Variants in NINL observed in about 807,000 individuals in gnomAD.
NINL encodes the protein ninein like, also known as ninein-like protein.
NINL carries 153 observed loss-of-function variants against 160.3 expected under a neutral mutation model. The observed-to-expected ratio is 0.95, with a 90% CI of 0.84 to 1.09. NINL has a LOEUF of 1.09. NINL is among the 50% of genes least tolerant of loss of function. NINL has a pLI of 0.00. For synonymous variants in NINL, 800 were observed against 734.8 expected, an observed-to-expected ratio of 1.09 and a Z score of -1.43; for missense variants, 1,829 against 1,764.0, an observed-to-expected ratio of 1.04 and a Z score of -0.66.
chr20:25,526,613 G>A lies in NINL; in HGVS notation c.-11-15C>T. The A allele has an allele frequency of 6.2e-7, 1 of 1,605,180 alleles. No individual in the cohort carries two copies. The highest frequency in any genetic ancestry group is 1.1e-5 in the South Asian group (1 of 90,666). On this transcript the variant is annotated splice_polypyrimidine_tract_variant and intron_variant, in intron 1 of 23. Coordinates refer to ENST00000278886, the MANE Select transcript of NINL (RefSeq NM_025176.6). ...CCCATAGCAGGCTGGCAGTGTGCAA[G>A]GGAAGAAGAAAACATCAGGACACTT...
chr20:25,558,215 T>G (rs1362792922), intron 1 of NINL, among the ~76,000 whole-genome samples: 1 of 152,190 alleles, frequency 6.6e-6, no homozygotes, highest in African/African-American at 2.4e-5. Context: ...ATTTATTTCT[T>G]TATTTATTTT....
At chr20:25,507,073 TC>T (rs2063975846) in intron 5 of NINL, among the ~76,000 whole-genome samples, 1 of 152,048 alleles carries the variant, frequency 6.6e-6, no homozygotes, top group African/African-American at 2.4e-5. Context: ...CAAACACCTC[TC>T]CCAAATCCCC....
At position 25,476,822 on chromosome 20, in the gene NINL, T is replaced by C. The variant is rs1251135677; in HGVS notation, c.2469A>G (p.Glu823=). The C allele has an allele frequency of 1.9e-6, 3 of 1,613,252 alleles. No individual in the cohort carries two copies. The highest frequency in any genetic ancestry group is 2.2e-5 in the East Asian group (1 of 44,860). The change falls in exon 17 of 24, where the codon GAA becomes GAG. Residue 823 remains glutamate (E), a synonymous_variant. Coordinates refer to ENST00000278886, the MANE Select transcript of NINL (RefSeq NM_025176.6). ...RGKRVDGPSL[E]AEMQALPKDG... ...CTTTCGGCAGGGCCTGCATCTCTGCTTCCAGGGAGGGCCCGTCCACTCGCT... is the reference window on the plus strand; with the variant it reads ...CTTTCGGCAGGGCCTGCATCTCTGCCTCCAGGGAGGGCCCGTCCACTCGCT...
chr20:25,578,002 T>C (rs1036563322), intron 1 of NINL, among the ~76,000 whole-genome samples: 2 of 151,778 alleles, frequency 1.3e-5, no homozygotes, highest in South Asian at 2.1e-4. Context: ...CTGGCTAATT[T>C]TGTATTTTTA....
chr20:25,489,498 C>A (rs1056919335), intron 12 of NINL, among the ~76,000 whole-genome samples, 174 bp from the exon 13 acceptor site: 2 of 151,832 alleles, frequency 1.3e-5, no homozygotes, highest in Admixed American at 1.3e-4. Context: ...TAGAAGGTCA[C>A]AAGACAGAAG....
In NINL at chr20:25,476,918, C is replaced by A; in HGVS notation, c.2373G>T (p.Ala791=). Residue 791 remains alanine (A), a synonymous_variant, in exon 17 of 24, where the codon GCG becomes GCT. Coordinates refer to ENST00000278886, the MANE Select transcript of NINL (RefSeq NM_025176.6). ...LERALKLQPC[A]SEKRAQMCVS... ...CGCACATCTGGGCGCGCTTCTCGCT[C>A]GCACAGGGCTGCAGCTTCAGTGCCC... 6.2e-7 allele frequency: 1 copy of A among 1,612,556 alleles called. No individual in the cohort carries two copies. The highest frequency in any genetic ancestry group is 8.5e-7 in the Non-Finnish European group (1 of 1,179,872).
At chr20:25,478,739 T>C (rs925291338) in intron 16 of NINL, 184 bp downstream of exon 16, 1 of 594,990 alleles carries the variant, frequency 1.7e-6, no homozygotes, top group African/African-American at 1.8e-5. Context: ...CCAATGTATA[T>C]TTTAAATTCA....
At position 25,477,535 on chromosome 20, in the gene NINL, G is replaced by A. The variant is rs995555925; in HGVS notation, c.2202-446C>T. Reference sequence around the variant, plus strand: ...GTCCCCTAATTCCCTGAAGCTGCTGGGCCTTGGGACCTCTGGTGGCCCGCA... The same window carrying A: ...GTCCCCTAATTCCCTGAAGCTGCTGAGCCTTGGGACCTCTGGTGGCCCGCA... On this transcript the variant is annotated intron_variant, in intron 16 of 23. Coordinates refer to ENST00000278886, the MANE Select transcript of NINL (RefSeq NM_025176.6). 3.0e-4 allele frequency among the ~76,000 whole-genome samples: 46 copies of A among 152,224 alleles called. 1 individual carries two copies. The highest frequency in any genetic ancestry group is 4.4e-5 in the Non-Finnish European group (3 of 68,032).
At position 25,480,352 on chromosome 20, in the gene NINL, T is replaced by C. The variant is rs546078802; in HGVS notation, c.1811-85A>G. On this transcript the variant is annotated intron_variant, in intron 14 of 23. Coordinates refer to ENST00000278886, the MANE Select transcript of NINL (RefSeq NM_025176.6). The stretch of plus-strand genomic sequence containing the variant: ...AACCTTCCAATCTGATATTTTGGCA[T>C]TGGCATCCATGAGGGGCAGGTGGTG... 7.8e-6 allele frequency: 8 copies of C among 1,029,958 alleles called. No individual in the cohort carries two copies. In the East Asian group the frequency reaches 1.2e-4, roughly 16 times the overall value. 63.8% of individuals were successfully genotyped at this position (1,029,958 alleles called of 1,614,324 possible).
chr20:25,547,076 T>A (rs985586255), intron 1 of NINL, among the ~76,000 whole-genome samples: 1 of 152,166 alleles, frequency 6.6e-6, no homozygotes, highest in African/African-American at 2.4e-5. Flanking sequence ...TTAGTCTTGG[T>A]CCTAGGTTCC....
chr20:25,536,042 C>T (rs1042844671), intron 1 of NINL, among the ~76,000 whole-genome samples: 2 of 152,124 alleles, frequency 1.3e-5, no homozygotes, highest in Non-Finnish European at 2.9e-5. Flanking sequence ...AAAGAGCAGC[C>T]CCACATCACA....
chr20:25,487,980 A>G (rs1486589326), intron 13 of NINL, among the ~76,000 whole-genome samples: 1 of 152,224 alleles, frequency 6.6e-6, no homozygotes, highest in African/African-American at 2.4e-5. Context: ...TCAGGTGAGC[A>G]GGGAGGGGAA....
intron 13 of NINL, among the ~76,000 whole-genome samples, chr20:25,487,314 G>A (rs982383502): frequency 6.6e-6 from 1 of 152,116 alleles, no homozygotes; most frequent in African/African-American, 2.4e-5. Flanking sequence ...CTGGGTGGGG[G>A]GATTATACAG....
chr20:25,568,934 A>ATT (rs150983804), intron 1 of NINL, among the ~76,000 whole-genome samples: 1,646 of 145,652 alleles, frequency 0.011, 14 homozygotes, highest in African/African-American at 0.028. Context: ...TCTACAAAAT[A>ATT]TTTTTTTTTT....
intron 3 of NINL, among the ~76,000 whole-genome samples, chr20:25,515,423 C>T (rs2064142924): frequency 2.0e-5 from 3 of 152,152 alleles, no homozygotes. Flanking sequence ...ATTCTACAGG[C>T]TCATAGGCGG....
intron 1 of NINL, among the ~76,000 whole-genome samples, chr20:25,565,676 G>A (rs1284153743): frequency 1.3e-5 from 2 of 152,138 alleles, no homozygotes; most frequent in East Asian, 3.8e-4. Flanking sequence ...GTAGAAACCC[G>A]CTAGGGCATT....
chr20:25,570,694 CTTTTTTTTTT>C (rs57981279), intron 1 of NINL, among the ~76,000 whole-genome samples: 13 of 91,016 alleles, frequency 1.4e-4, no homozygotes, highest in African/African-American at 4.0e-4. Flanking sequence ...GGCAAGTAGA[CTTTTTTTTTT>C]TTTTTTTTTT....
intron 1 of NINL, among the ~76,000 whole-genome samples, chr20:25,584,296 A>AC (rs978143727): frequency 2.0e-5 from 3 of 151,882 alleles, no homozygotes; most frequent in Non-Finnish European, 2.9e-5. Flanking sequence ...ACATGGTGAA[A>AC]CCCCCATCTC....
intron 1 of NINL, among the ~76,000 whole-genome samples, chr20:25,546,308 A>C (rs2064731452): frequency 6.6e-6 from 1 of 152,190 alleles, no homozygotes; most frequent in Non-Finnish European, 1.5e-5. Flanking sequence ...TGAACAGTTT[A>C]TGAGTGATTT....
Sources: allele counts gnomAD v4.1 joint callset (sites outside exome capture counted in the v4.1 genomes callset), GRCh38; gene constraint gnomAD v4.1.1; transcripts MANE v1.5; gene names NCBI Gene and HGNC (gene_info 2026-07-23, HGNC 2026-07-21).